The following G2E3 variants were observed in gnomAD, a reference collection of about 807,000 sequenced individuals.
G2E3 encodes G2/M phase-specific E3 ubiquitin-protein ligase.
Under a neutral mutation model 92.8 loss-of-function variants are expected in G2E3, and 35 were observed. The observed-to-expected ratio is 0.38, with a 90% CI of 0.29 to 0.50. G2E3 has a LOEUF of 0.50. Ranked by LOEUF, G2E3 falls within the 20% of genes least tolerant of loss-of-function variation. The probability of loss-of-function intolerance (pLI) is 0.94; values close to 1 mark genes in which losing one functional copy is unlikely to be tolerated. For synonymous variants in G2E3, 242 were observed against 272.4 expected (o/e 0.89, Z 1.10); for missense variants, 554 against 823.8 (o/e 0.67, Z 4.01).
chr14:30,566,133 T>C (rs1879423481), intron 1 of G2E3, among the ~76,000 whole-genome samples: 1 of 152,248 alleles, frequency 6.6e-6, no homozygotes, highest in South Asian at 2.1e-4. Context: ...TCTGTCCTTG[T>C]GCCAGTACCA....
intron 8 of G2E3, 131 bp downstream of exon 8, chr14:30,598,730 T>C: frequency 2.9e-6 from 2 of 701,350 alleles, no homozygotes; most frequent in Non-Finnish European, 5.2e-6. Context: ...ATGAGGGATA[T>C]TTTCTAATGC....
intron 1 of G2E3, chr14:30,559,828 A>G (rs1000815906): frequency 1.3e-5 from 2 of 152,146 alleles, no homozygotes; most frequent in Non-Finnish European, 2.9e-5. Context: ...ATTTAAACTG[A>G]AATTCGAGTG....
In G2E3 at chr14:30,589,413, A is replaced by AAAG. The variant is rs1455487107; in HGVS notation, c.176_178dup (p.Glu59dup). 6.2e-7 allele frequency: 1 copy of AAAG among 1,604,392 alleles called. No individual in the cohort carries two copies. The highest frequency in any genetic ancestry group is 8.5e-7 in the Non-Finnish European group (1 of 1,171,760). On this transcript the variant is annotated inframe_insertion, in exon 4 of 15. Transcript: ENST00000206595. ...GTCAAGTGGAATTTGGCAGAGAGGC[A>AAAG]AAGAAGAAGAAGGAGTTTATGGTTT...
Position 30,612,263 on chromosome 14 carries a change from C to G in G2E3, c.1557C>G (p.Asn519Lys). The G allele has an allele frequency of 6.2e-7, 1 of 1,607,932 alleles. No individual in the cohort carries two copies. The highest frequency in any genetic ancestry group is 1.1e-5 in the South Asian group (1 of 90,744). Residue 519 changes from asparagine (N) to lysine (K), a missense_variant, in exon 13 of 15, where the codon AAC becomes AAG. Around this residue, in one of 3 missense-constraint regions of G2E3, gnomAD observed 397 missense variants for 560.3 expected, o/e 0.71. Coordinates refer to ENST00000206595, the MANE Select transcript of G2E3 (RefSeq NM_017769.5). The part of the protein sequence containing the change: ...DLKSIINECY[N>K]YLELIGCLRL... ...AGTCAATAATAAATGAATGCTATAA[C>G]TACCTTGAGTTAATTGGATGTCTCA...
intron 14 of G2E3, 84 bp from the exon 15 acceptor site, chr14:30,616,194 T>G: frequency 1.1e-6 from 1 of 903,930 alleles, no homozygotes; most frequent in Non-Finnish European, 1.8e-6. Context: ...CCAAGTCTAT[T>G]TGGAGAAGAA....
intron 6 of G2E3, among the ~76,000 whole-genome samples, chr14:30,594,794 A>G (rs188362347): frequency 2.4e-3 from 348 of 143,242 alleles, no homozygotes; most frequent in South Asian, 0.014. Flanking sequence ...TTTTTTTTGT[A>G]TGGACCTTGA....
chr14:30,589,506 T>A, intron 4 of G2E3, 22 bp downstream of exon 4: 1 of 1,140,890 alleles, frequency 8.8e-7, no homozygotes. Context: ...ATTTTACTAT[T>A]AAGTAATGTC....
At chr14:30,599,474 G>A (rs1383252704) in intron 8 of G2E3, among the ~76,000 whole-genome samples, 3 of 152,050 alleles carry the variant, frequency 2.0e-5, no homozygotes, top group Non-Finnish European at 4.4e-5. Context: ...TGATCTGCCC[G>A]CCTCGGCCTC....
chr14:30,575,778 A>G (rs1297693776), intron 1 of G2E3, among the ~76,000 whole-genome samples: 1 of 152,216 alleles, frequency 6.6e-6, no homozygotes, highest in East Asian at 1.9e-4. Context: ...GTGGCTACAA[A>G]AAGAATGAAA....
At position 30,618,388 on chromosome 14, in the gene G2E3, T is replaced by C. The variant is rs1006178096; in HGVS notation, c.*1854T>C. On this transcript the variant is annotated 3_prime_UTR_variant, in exon 15 of 15. Coordinates refer to ENST00000206595, the MANE Select transcript of G2E3 (RefSeq NM_017769.5). ...GTTTCTTTATCCACCTTATTTTTATTACAGCTAAAAACCAATACAAACCAA... is the reference window on the plus strand; with the variant it reads ...GTTTCTTTATCCACCTTATTTTTATCACAGCTAAAAACCAATACAAACCAA... The C allele has an allele frequency of 1.3e-5, 2 of 152,122 alleles. No individual in the cohort carries two copies. Among genetic ancestry groups the C allele is most frequent in the African/African-American group, 4.8e-5 (2 of 41,448 alleles). 9.4% of individuals were successfully genotyped at this position (152,122 alleles called of 1,614,324 possible).
chr14:30,604,826 A>G (rs773422415), intron 10 of G2E3, among the ~76,000 whole-genome samples: 2 of 152,208 alleles, frequency 1.3e-5, no homozygotes, highest in Non-Finnish European at 2.9e-5. Context: ...TACAATTAAG[A>G]AAGTTAATTA....
intron 11 of G2E3, 98 bp from the exon 12 acceptor site, chr14:30,607,786 TTATC>T (rs1482999970): frequency 1.1e-5 from 6 of 563,400 alleles, no homozygotes; most frequent in Non-Finnish European, 1.8e-5. Context: ...AGAATTATAT[TTATC>T]TAATGCTTAG....
At chr14:30,587,031 TTG>T (rs1292239376) in intron 3 of G2E3, among the ~76,000 whole-genome samples, 3 of 152,116 alleles carry the variant, frequency 2.0e-5, no homozygotes, top group African/African-American at 7.2e-5. Flanking sequence ...TCGTGTTTGT[TTG>T]TTTGTTTGTT....
chr14:30,586,584 G>T, intron 2 of G2E3, 134 bp from the exon 3 acceptor site: 2 of 399,074 alleles, frequency 5.0e-6, no homozygotes, highest in Non-Finnish European at 9.0e-6. Flanking sequence ...GAAATTTTAA[G>T]TTACTGATAT....
At chr14:30,598,701 G>T in intron 8 of G2E3, 102 bp downstream of exon 8, 1 of 812,192 alleles carries the variant, frequency 1.2e-6, no homozygotes. Flanking sequence ...CTCTTAGGAT[G>T]TTAGAAGTTT....
intron 13 of G2E3, among the ~76,000 whole-genome samples, chr14:30,613,643 T>A (rs1196349047): frequency 6.6e-6 from 1 of 152,100 alleles, no homozygotes; most frequent in Non-Finnish European, 1.5e-5. Context: ...CTAGACCTTT[T>A]CATTGAACCC....
At chr14:30,578,180 C>T (rs971895564) in intron 1 of G2E3, among the ~76,000 whole-genome samples, 1 of 152,042 alleles carries the variant, frequency 6.6e-6, no homozygotes, top group Non-Finnish European at 1.5e-5. Flanking sequence ...AAAAGTTATA[C>T]TCCACATGCT....
At chr14:30,581,506 A>G (rs1226127211) in intron 2 of G2E3, among the ~76,000 whole-genome samples, 2 of 152,232 alleles carry the variant, frequency 1.3e-5, no homozygotes, top group African/African-American at 4.8e-5. Flanking sequence ...CAAGAGTTCA[A>G]GACCAGCCTG....
At chr14:30,602,518 T>C (rs1408371223) in intron 10 of G2E3, among the ~76,000 whole-genome samples, 1 of 152,196 alleles carries the variant, frequency 6.6e-6, no homozygotes, top group Non-Finnish European at 1.5e-5. Flanking sequence ...AAAATGTTAT[T>C]TGATTATAGA....
Sources: gnomAD v4.1 joint callset for allele counts (sites outside exome capture counted in the v4.1 genomes callset) on GRCh38, gnomAD v4.1.1 for gene constraint, gnomAD v4.1.1 regional missense constraint, MANE v1.5 for transcripts, NCBI Gene and HGNC (gene_info 2026-07-23, HGNC 2026-07-21) for gene names.